Variants in WWC2 observed in about 807,000 individuals in gnomAD.
The protein encoded by WWC2 is WW and C2 domain containing 2.
Under a neutral mutation model 138.5 loss-of-function variants are expected in WWC2, and 101 were observed. The ratio of observed to expected loss-of-function variants is 0.73; its 90% confidence interval spans 0.62 to 0.86. The LOEUF is 0.86. Among genes scored for constraint, WWC2 ranks in the 40% least tolerant of loss-of-function variants. WWC2 has a pLI of 0.00. For missense variants in WWC2, 1,420 were observed against 1,419.4 expected, an observed-to-expected ratio of 1.00 and a Z score of -0.01; for synonymous variants, 558 against 538.4, an observed-to-expected ratio of 1.04 and a Z score of -0.50.
chr4:183,306,212 A>G (rs2111110172), intron 21 of WWC2, among the ~76,000 whole-genome samples: 1 of 152,374 alleles, frequency 6.6e-6, no homozygotes, highest in South Asian at 2.1e-4. Flanking sequence ...AGTAGAAGAC[A>G]AACATAGGAA....
intron 1 of WWC2, among the ~76,000 whole-genome samples, chr4:183,155,189 G>GAGAGAGAGAGAGAGAGAGAGAGAGAGA: frequency 9.6e-6 from 1 of 103,736 alleles, no homozygotes; most frequent in African/African-American, 3.4e-5. Context: ...CATCTTCTGA[G>GAGAGAGAGAGAGAGAGAGAGAGAGAGA]GAGAGAGAGA....
At chr4:183,177,340 T>A (rs2111175835) in intron 1 of WWC2, among the ~76,000 whole-genome samples, 1 of 152,358 alleles carries the variant, frequency 6.6e-6, no homozygotes, top group African/African-American at 2.4e-5. Context: ...GCATGATCTG[T>A]GAAATTGGTC....
At chr4:183,198,808 A>T (rs939442768) in intron 2 of WWC2, among the ~76,000 whole-genome samples, 14 of 150,580 alleles carry the variant, frequency 9.3e-5, no homozygotes, top group African/African-American at 3.4e-4. Context: ...AAAAAAAAAA[A>T]AAAAAAAGGT....
chr4:183,238,155 G>T (rs1736487885), intron 4 of WWC2, among the ~76,000 whole-genome samples: 1 of 152,180 alleles, frequency 6.6e-6, no homozygotes, highest in Non-Finnish European at 1.5e-5. Flanking sequence ...ATGTCTTAAA[G>T]AAAACTCTTC....
intron 2 of WWC2, among the ~76,000 whole-genome samples, chr4:183,206,752 G>A (rs1026174276): frequency 1.3e-5 from 2 of 152,164 alleles, no homozygotes; most frequent in Non-Finnish European, 2.9e-5. Context: ...TAACCAGCCT[G>A]CACTAACCAT....
At chr4:183,183,038 G>C (rs545201265) in intron 1 of WWC2, among the ~76,000 whole-genome samples, 1 of 152,218 alleles carries the variant, frequency 6.6e-6, no homozygotes, top group African/African-American at 2.4e-5. Flanking sequence ...AGAAGGCAGG[G>C]TCCCTGCCTA....
chr4:183,247,801 A>G lies in WWC2; in HGVS notation c.733-913A>G, dbSNP rs146049578. Among the ~76,000 whole-genome samples, 1,225 of 143,218 alleles carry G rather than the reference A, an allele frequency of 8.6e-3. 30 individuals are homozygous for G. Among genetic ancestry groups the G allele is most frequent in the African/African-American group, 0.029 (1,123 of 38,766 alleles). 94.0% of individuals were successfully genotyped at this position (143,218 alleles called of 152,430 possible). ...TATATATATATTATATATATAGTAT[A>G]TAGTATATATATCCCTTTGAGAGAA... On this transcript the variant is annotated intron_variant, in intron 6 of 22. Coordinates refer to ENST00000403733, the MANE Select transcript of WWC2 (RefSeq NM_024949.6).
At chr4:183,265,570 A>G in intron 12 of WWC2, 118 bp from the exon 13 acceptor site, 1 of 1,003,050 alleles carries the variant, frequency 1.0e-6, no homozygotes, top group Non-Finnish European at 1.5e-6. Context: ...TTCCACTGGG[A>G]GGGCATAGGA....
At position 183,193,617 on chromosome 4, in the gene WWC2, A is replaced by G. The variant is rs1480586634; in HGVS notation, c.150A>G (p.Ser50=). 2.5e-6 allele frequency: 4 copies of G among 1,613,826 alleles called. No individual in the cohort carries two copies. Among genetic ancestry groups the G allele is most frequent in the Admixed American group, 1.7e-5 (1 of 60,004 alleles). Residue 50 remains serine (S), a synonymous_variant, in exon 2 of 23, where the codon TCA becomes TCG. Transcript: ENST00000403733. ...DPRDRLTKPL[S]FADCVGDELP... is the part of the protein sequence containing the mutation. ...GTTGTAGGTTAACGAAGCCCTTGTCATTTGCTGATTGTGTTGGGGATGAGC... is the reference window on the plus strand; with the variant it reads ...GTTGTAGGTTAACGAAGCCCTTGTCGTTTGCTGATTGTGTTGGGGATGAGC...
At chr4:183,161,796 T>C (rs1733966595) in intron 1 of WWC2, among the ~76,000 whole-genome samples, 1 of 152,198 alleles carries the variant, frequency 6.6e-6, no homozygotes, top group Non-Finnish European at 1.5e-5. Flanking sequence ...TCCAGGTTTG[T>C]GTGAGTGCAG....
intron 1 of WWC2, among the ~76,000 whole-genome samples, chr4:183,110,725 C>T (rs766865484): frequency 1.3e-4 from 20 of 152,148 alleles, no homozygotes; most frequent in Admixed American, 9.2e-4. Context: ...TGACAATAAT[C>T]ACTTTTAACT....
In WWC2 at chr4:183,243,352, GTTTTTA is replaced by G. The variant is rs199541105; in HGVS notation, c.603-2057_603-2052del. On this transcript the variant is annotated intron_variant, in intron 5 of 22. Coordinates refer to ENST00000403733, the MANE Select transcript of WWC2 (RefSeq NM_024949.6). ...CTATTTTATGAAACCCCACATTTTA[GTTTTTA>G]TTTTTAGTTAAAAAGTGCTACATTT... is the stretch of plus-strand genomic sequence containing the variant. 5.6e-3 allele frequency among the ~76,000 whole-genome samples: 845 copies of G among 152,144 alleles called. 14 individuals carry two copies. The highest frequency in any genetic ancestry group is 0.019 in the African/African-American group (793 of 41,516).
In WWC2 at chr4:183,193,716, T is replaced by C; in HGVS notation, c.241+8T>C. Reference sequence around the variant, plus strand: ...ACATCGATCACATCAACAGTAAGTTTTCCTTTTTGGTAAAAGCAAACATAT... The same window carrying C: ...ACATCGATCACATCAACAGTAAGTTCTCCTTTTTGGTAAAAGCAAACATAT... On this transcript the variant is annotated splice_region_variant and intron_variant, in intron 2 of 22. Coordinates refer to ENST00000403733, the MANE Select transcript of WWC2 (RefSeq NM_024949.6). The C allele has an allele frequency of 6.2e-7, 1 of 1,609,166 alleles. No homozygotes were observed. The highest frequency in any genetic ancestry group is 2.2e-5 in the East Asian group (1 of 44,836).
rs548595535 is a variant in WWC2 at position 183,215,701 on chromosome 4, G to T, written c.522+6676G>T. 7.9e-5 allele frequency among the ~76,000 whole-genome samples: 12 copies of T among 152,186 alleles called. No homozygotes were observed. In the East Asian group the frequency reaches 2.3e-3, roughly 29 times the overall value. On this transcript the variant is annotated intron_variant, in intron 4 of 22. Transcript: ENST00000403733. ...TTCTAGCTTTGAAGGGTATGAAACT[G>T]CAGGCTAAATATGTATTTTAAAAAA...
At position 183,270,954 on chromosome 4, in the gene WWC2, A is replaced by C. The variant is rs573053320; in HGVS notation, c.2401-126A>C. ...TCCAGCAATGCTTTATGTCAGGAGA[A>C]TTGTGTTTTTTTTACCCTAAAACAA... On this transcript the variant is annotated intron_variant, in intron 15 of 22. Coordinates refer to ENST00000403733, the MANE Select transcript of WWC2 (RefSeq NM_024949.6). 10 of 828,174 alleles carry C rather than the reference A, an allele frequency of 1.2e-5. No homozygotes were observed. The East Asian group carries it at 2.5e-4, about 21-fold the overall frequency. 51.3% of individuals were successfully genotyped at this position (828,174 alleles called of 1,614,324 possible).
chr4:183,181,282 A>G (rs542026677), intron 1 of WWC2, among the ~76,000 whole-genome samples: 1 of 152,298 alleles, frequency 6.6e-6, no homozygotes, highest in East Asian at 1.9e-4. Flanking sequence ...CACAGTTCTC[A>G]AGTATTTTTC....
intron 1 of WWC2, among the ~76,000 whole-genome samples, chr4:183,126,606 A>G (rs1367008402): frequency 1.3e-5 from 2 of 152,206 alleles, no homozygotes; most frequent in South Asian, 4.1e-4. Flanking sequence ...CAAAACCTAC[A>G]TATTTTACTT....
In WWC2 at chr4:183,245,396, T is replaced by C. The variant is rs1360454675; in HGVS notation, c.603-20T>C. The C allele has an allele frequency of 6.7e-7, 1 of 1,502,266 alleles. No homozygotes were observed. The highest frequency in any genetic ancestry group is 1.4e-5 in the South Asian group (1 of 73,648). 93.1% of individuals were successfully genotyped at this position (1,502,266 alleles called of 1,614,324 possible). A position where few individuals can be genotyped will look rare whatever the true frequency, so the allele number is the denominator to read the frequency against. On this transcript the variant is annotated intron_variant, in intron 5 of 22. Coordinates refer to ENST00000403733, the MANE Select transcript of WWC2 (RefSeq NM_024949.6). ...GCTATCATTCTTTGATATTTTTTCT[T>C]TCTTTTTCTCTTTTCACAGAATTGA...
At chr4:183,304,668 A>G (rs1356239143) in intron 21 of WWC2, among the ~76,000 whole-genome samples, 1 of 152,116 alleles carries the variant, frequency 6.6e-6, no homozygotes, top group African/African-American at 2.4e-5. Flanking sequence ...TGTTCCACCT[A>G]AGGAGGGGGA....
Sources: allele counts gnomAD v4.1 joint callset (sites outside exome capture counted in the v4.1 genomes callset), GRCh38; gene constraint gnomAD v4.1.1; transcripts MANE v1.5; gene names NCBI Gene and HGNC (gene_info 2026-07-23, HGNC 2026-07-21).